Variants in PIK3CG observed in about 807,000 individuals in gnomAD.
The protein encoded by PIK3CG is phosphatidylinositol-4,5-bisphosphate 3-kinase catalytic subunit gamma.
PIK3CG carries 55 observed loss-of-function variants against 102.3 expected under a neutral mutation model. The ratio of observed to expected loss-of-function variants is 0.54; its 90% CI spans 0.43 to 0.67. PIK3CG has a LOEUF of 0.67. Ranked by LOEUF, PIK3CG falls within the 30% of genes least tolerant of loss-of-function variation. The pLI is 0.00. For missense variants in PIK3CG, 1,258 were observed against 1,391.8 expected, an observed-to-expected ratio of 0.90 and a Z score of 1.53; for synonymous variants, 552 against 540.0, an observed-to-expected ratio of 1.02 and a Z score of -0.31.
At position 106,884,314 on chromosome 7, in the gene PIK3CG, A is replaced by T. The variant is rs748230052; in HGVS notation, c.2872+48A>T. The T allele has an allele frequency of 5.2e-6, 6 of 1,159,390 alleles. No individual in the cohort carries two copies. The Admixed American group carries it at 1.0e-4, about 20-fold the overall frequency. 71.8% of individuals were successfully genotyped at this position (1,159,390 alleles called of 1,614,324 possible). A position where few individuals can be genotyped will look rare whatever the true frequency, so the allele number is the denominator to read the frequency against. ...AAACTTTTATTGTGGTAAAATATAT[A>T]TAACATAACATTTACTATTTTAACT... is the stretch of plus-strand genomic sequence containing the variant. On this transcript the variant is annotated intron_variant, in intron 9 of 10. Coordinates refer to ENST00000496166, the MANE Select transcript of PIK3CG (RefSeq NM_001282426.2). The surrounding 1 kb of genome is among the most constrained non-coding windows in gnomAD (Gnocchi z 4.2).
intron 10 of PIK3CG, among the ~76,000 whole-genome samples, chr7:106,889,823 A>T (rs1444880819): frequency 6.6e-6 from 1 of 152,198 alleles, no homozygotes; most frequent in African/African-American, 2.4e-5. Flanking sequence ...ACTTACTTCT[A>T]GAATAGGGGA....
chr7:106,898,055 A>T (rs911872206), intron 10 of PIK3CG, among the ~76,000 whole-genome samples: 98 of 152,092 alleles, frequency 6.4e-4, no homozygotes, highest in African/African-American at 2.3e-3. Context: ...TTACTTTTTG[A>T]CTTTTTAGTA....
chr7:106,895,735 AT>A lies in PIK3CG; in HGVS notation c.3031-9373del, dbSNP rs1791391815. Among the ~76,000 whole-genome samples the A allele has an allele frequency of 6.6e-6, 1 of 152,234 alleles. No homozygotes were observed. Among genetic ancestry groups the A allele is most frequent in the Admixed American group, 6.5e-5 (1 of 15,290 alleles). ...CAGCTCCTCGTGGTATTGATTAGTA[AT>A]CATAGCCAACTACTTATGTAGCACT... On this transcript the variant is annotated intron_variant, in intron 10 of 10. Transcript: ENST00000496166. This position sits in a 1 kb window ranked among gnomAD's most constrained non-coding sequence, Gnocchi z 5.4.
Position 106,897,531 on chromosome 7 carries a change from C to A in PIK3CG, c.3031-7578C>A, listed in dbSNP as rs537232009. 2.0e-5 allele frequency among the ~76,000 whole-genome samples: 3 copies of A among 152,266 alleles called. No homozygotes were observed. Among genetic ancestry groups the A allele is most frequent in the South Asian group, 4.1e-4 (2 of 4,828 alleles). ...TCTTTTTTGCTCCTCTCCCTCCTCT[C>A]ATTCTCTCCCCTCAAGTAGATCCCA... On this transcript the variant is annotated intron_variant, in intron 10 of 10. Transcript: ENST00000496166. The surrounding 1 kb of genome is among the most constrained non-coding windows in gnomAD (Gnocchi z 4.6).
Position 106,874,645 on chromosome 7 carries a change from A to C in PIK3CG, c.2288-55A>C. 1 of 1,077,058 alleles carries C rather than the reference A, an allele frequency of 9.3e-7. No homozygotes were observed. Among genetic ancestry groups the C allele is most frequent in the South Asian group, 1.3e-5 (1 of 78,692 alleles). The allele number at this position is 1,077,058 out of a possible 1,614,324, so 66.7% of individuals were successfully genotyped here. The stretch of plus-strand genomic sequence containing the variant: ...TGTGTTCTCAGGAAATGTAATAGAT[A>C]ATATTGATGATTTCTGGAACTCACA... On this transcript the variant is annotated intron_variant, in intron 4 of 10. Transcript: ENST00000496166. This position sits in a 1 kb window ranked among gnomAD's most constrained non-coding sequence, Gnocchi z 4.3.
intron 10 of PIK3CG, among the ~76,000 whole-genome samples, chr7:106,901,139 GA>G (rs1749476514): frequency 6.6e-6 from 1 of 152,152 alleles, no homozygotes; most frequent in African/African-American, 2.4e-5. Context: ...ATGATGTCCT[GA>G]AATGTGTTTC....
rs368246235 is a variant in PIK3CG at position 106,872,943 on chromosome 7, G to A, written c.2287+5G>A. 202 of 1,588,462 alleles carry A rather than the reference G, an allele frequency of 1.3e-4. No homozygotes were observed. The highest frequency in any genetic ancestry group is 1.6e-4 in the Non-Finnish European group (185 of 1,157,032). On this transcript the variant is annotated splice_donor_5th_base_variant and intron_variant, in intron 4 of 10. Transcript: ENST00000496166. The surrounding 1 kb of genome is among the most constrained non-coding windows in gnomAD (Gnocchi z 5.3). ...AGTATGACGTCAGTTCCCAAGGTAC[G>A]GTGGCTATATTTTCTGTGTTCTCTT...
chr7:106,892,637 A>C lies in PIK3CG; in HGVS notation c.3030+6345A>C, dbSNP rs905752657. Among the ~76,000 whole-genome samples the C allele has an allele frequency of 6.6e-6, 1 of 152,254 alleles. No homozygotes were observed. Among genetic ancestry groups the C allele is most frequent in the African/African-American group, 2.4e-5 (1 of 41,480 alleles). On this transcript the variant is annotated intron_variant, in intron 10 of 10. Coordinates refer to ENST00000496166, the MANE Select transcript of PIK3CG (RefSeq NM_001282426.2). The surrounding 1 kb of genome is among the most constrained non-coding windows in gnomAD (Gnocchi z 5.2). ...TTGGGCATAGGTGAGACAATAGAGC[A>C]TGGCCCCAGAACATGGCAAGAAAGC...
chr7:106,884,036 A>G lies in PIK3CG; in HGVS notation c.2761-119A>G, dbSNP rs1562961633. Reference sequence around the variant, plus strand: ...AGATATAATGCTAATGAAATCAGGCACAACTAACTTGCTCTCTGAAAATGG... The same window carrying G: ...AGATATAATGCTAATGAAATCAGGCGCAACTAACTTGCTCTCTGAAAATGG... On this transcript the variant is annotated intron_variant, in intron 8 of 10. Transcript: ENST00000496166. The surrounding 1 kb of genome is among the most constrained non-coding windows in gnomAD (Gnocchi z 4.2). 1.4e-6 allele frequency: 1 copy of G among 738,430 alleles called. No homozygotes were observed. Among genetic ancestry groups the G allele is most frequent in the Non-Finnish European group, 2.3e-6 (1 of 431,736 alleles). The allele number at this position is 738,430 out of a possible 1,614,324, so 45.7% of individuals were successfully genotyped here. A position where few individuals can be genotyped will look rare whatever the true frequency, so the allele number is the denominator to read the frequency against.
chr7:106,869,470 G>C lies in PIK3CG; in HGVS notation c.1909G>C (p.Asp637His), dbSNP rs2116466552. The C allele has an allele frequency of 2.5e-6, 4 of 1,614,220 alleles. No homozygotes were observed. Among genetic ancestry groups the C allele is most frequent in the South Asian group, 1.1e-5 (1 of 91,078 alleles). Residue 637 changes from aspartate to histidine, a missense_variant, in exon 2 of 11, where the codon GAT becomes CAT. This residue lies in a region of PIK3CG where 426 missense variants were observed against 604.2 expected (regional missense o/e 0.71). Transcript: ENST00000496166. The surrounding 1 kb of genome is among the most constrained non-coding windows in gnomAD (Gnocchi z 5.3). ...GCAGCTCCTGGACTGCAACTTCTCA[G>C]ATGAAAATGTAAGAGCCATTGCAGT... ...TMQLLDCNFS[D>H]ENVRAIAVQK...
intron 10 of PIK3CG, among the ~76,000 whole-genome samples, chr7:106,889,348 AT>A (rs36046401): frequency 0.054 from 8,191 of 151,822 alleles, 303 homozygotes; most frequent in Middle Eastern, 0.11. Flanking sequence ...CCTTGTGGTA[AT>A]TTTTTTTTCT....
chr7:106,876,926 A>G (rs976288732), intron 5 of PIK3CG, among the ~76,000 whole-genome samples: 2 of 152,128 alleles, frequency 1.3e-5, no homozygotes, highest in African/African-American at 4.8e-5. Flanking sequence ...GGACTAGCAC[A>G]GTGTCTCACA....
At chr7:106,871,740 C>T (rs3779501) in intron 2 of PIK3CG, among the ~76,000 whole-genome samples, 8,370 of 152,266 alleles carry the variant, frequency 0.055, 609 homozygotes, top group East Asian at 0.32. Flanking sequence ...AACAATGAAA[C>T]ACCTATGCAC....
chr7:106,881,492 C>T (rs1790933068), intron 6 of PIK3CG, among the ~76,000 whole-genome samples: 1 of 152,068 alleles, frequency 6.6e-6, no homozygotes, highest in South Asian at 2.1e-4. Context: ...GTAAAATAGA[C>T]ACAAGTAAAG....
chr7:106,875,548 A>G (rs1392195073), intron 5 of PIK3CG, among the ~76,000 whole-genome samples: 1 of 152,194 alleles, frequency 6.6e-6, no homozygotes, highest in Non-Finnish European at 1.5e-5. Context: ...ACTTTCTATC[A>G]TAAAATGCCT....
chr7:106,879,983 C>T lies in PIK3CG; in HGVS notation c.2538+318C>T, dbSNP rs1302132372. Reference sequence around the variant, plus strand: ...CATAGAAAATAGCCATATTTATCCCCAGCACTCACTTCATTCCTGCCCATA... The same window carrying T: ...CATAGAAAATAGCCATATTTATCCCTAGCACTCACTTCATTCCTGCCCATA... On this transcript the variant is annotated intron_variant, in intron 6 of 10. Transcript: ENST00000496166. The surrounding 1 kb of genome is among the most constrained non-coding windows in gnomAD (Gnocchi z 4.9). Among the ~76,000 whole-genome samples, 2 of 152,170 alleles carry T rather than the reference C, an allele frequency of 1.3e-5. No individual in the cohort carries two copies. The highest frequency in any genetic ancestry group is 2.9e-5 in the Non-Finnish European group (2 of 68,024).
rs1187744331 is a variant in PIK3CG at position 106,897,927 on chromosome 7, T to A, written c.3031-7182T>A. Among the ~76,000 whole-genome samples the A allele has an allele frequency of 1.3e-5, 2 of 152,212 alleles. No individual in the cohort carries two copies. The highest frequency in any genetic ancestry group is 2.9e-5 in the Non-Finnish European group (2 of 68,034). ...TGGGATTTCTGGATCAAAATGGTAG[T>A]CATGCTTTTAGCTCTTTGAAGAATC... On this transcript the variant is annotated intron_variant, in intron 10 of 10. Coordinates refer to ENST00000496166, the MANE Select transcript of PIK3CG (RefSeq NM_001282426.2). This position sits in a 1 kb window ranked among gnomAD's most constrained non-coding sequence, Gnocchi z 4.6.
In PIK3CG at chr7:106,907,387, A is replaced by T. The variant is rs1269994155; in HGVS notation, c.*2000A>T. Among the ~76,000 whole-genome samples the T allele has an allele frequency of 1.3e-5, 2 of 152,062 alleles. No individual in the cohort carries two copies. Among genetic ancestry groups the T allele is most frequent in the African/African-American group, 4.8e-5 (2 of 41,408 alleles). ...ACCTGTCCTTTTAAAATCACACTCT[A>T]CCCACCTGTACAGAAGACCATGCCC... On this transcript the variant is annotated 3_prime_UTR_variant, in exon 11 of 11. Coordinates refer to ENST00000496166, the MANE Select transcript of PIK3CG (RefSeq NM_001282426.2).
In PIK3CG at chr7:106,867,975, G is replaced by T. The variant is rs1431992958; in HGVS notation, c.414G>T (p.Val138=). ...THRSPGQIHL[V]QRHPPSEESQ... ...GGAGCCCGGGCCAGATCCACCTGGT[G>T]CAGCGGCACCCGCCCTCCGAGGAGT... The change falls in exon 2 of 11, where the codon GTG becomes GTT. Residue 138 remains valine, a synonymous_variant. Transcript: ENST00000496166. The surrounding 1 kb of genome is among the most constrained non-coding windows in gnomAD (Gnocchi z 5.1). The T allele has an allele frequency of 6.2e-7, 1 of 1,612,334 alleles. No individual in the cohort carries two copies. Among genetic ancestry groups the T allele is most frequent in the African/African-American group, 1.3e-5 (1 of 75,048 alleles).
Sources: gnomAD v4.1 joint callset for allele counts (sites outside exome capture counted in the v4.1 genomes callset) on GRCh38, gnomAD v4.1.1 for gene constraint, gnomAD v4.1.1 regional missense constraint, Gnocchi (gnomAD v3.1) non-coding constraint, MANE v1.5 for transcripts, NCBI Gene and HGNC (gene_info 2026-07-23, HGNC 2026-07-21) for gene names.